ITGAD: variants seen among roughly 807,000 people sequenced by gnomAD.
ITGAD encodes the protein integrin subunit alpha D.
In ITGAD, 105 loss-of-function variants were observed where a neutral mutation model predicts 139.0. The observed-to-expected ratio is 0.76, with a 90% confidence interval of 0.65 to 0.89. The LOEUF (loss-of-function observed/expected upper bound fraction) is 0.89, where lower values mean the gene tolerates loss of function less well. ITGAD is among the 40% of genes least tolerant of loss of function. The probability of loss-of-function intolerance (pLI) is 0.00; values close to 1 mark genes in which losing one functional copy is unlikely to be tolerated. For synonymous variants in ITGAD, 569 were observed against 598.3 expected (o/e 0.95, Z 0.71); for missense variants, 1,384 against 1,487.3 (o/e 0.93, Z 1.14).
rs1394107114 is a variant in ITGAD, at chr16:31,411,355, C to T, written c.1545C>T (p.His515=). The T allele has an allele frequency of 6.2e-7, 1 of 1,613,796 alleles. No individual in the cohort carries two copies. Among genetic ancestry groups the T allele is most frequent in the African/African-American group, 1.3e-5 (1 of 74,856 alleles). ...CTGTTCTCCGTGGTGAGCAGGGCCA[C>T]CCCTGGGGCCGCTTTGGGGCAGCCC... ...CDAVLRGEQG[H]PWGRFGAALT... is the part of the protein sequence containing the mutation. Residue 515 remains histidine, a synonymous_variant, in exon 14 of 30, where the codon CAC becomes CAT. Transcript: ENST00000389202.
chr16:31,418,298 C>T lies in ITGAD; in HGVS notation c.2617-3C>T, dbSNP rs754360573. 1.2e-5 allele frequency: 19 copies of T among 1,613,866 alleles called. No homozygotes were observed. Among genetic ancestry groups the T allele is most frequent in the Non-Finnish European group, 1.5e-5 (18 of 1,179,742 alleles). On this transcript the variant is annotated splice_polypyrimidine_tract_variant and splice_region_variant and intron_variant, in intron 21 of 29. Transcript: ENST00000389202. Reference sequence around the variant, plus strand: ...CCCCATTCTTTCCTTCTTCTTCCCTCAGGGCACCTTCATAGTCACATTCGA... The same window carrying T: ...CCCCATTCTTTCCTTCTTCTTCCCTTAGGGCACCTTCATAGTCACATTCGA...
At chr16:31,401,481 T>G (rs928098145) in intron 5 of ITGAD, among the ~76,000 whole-genome samples, 1 of 151,890 alleles carries the variant, frequency 6.6e-6, no homozygotes, top group Non-Finnish European at 1.5e-5. Flanking sequence ...TCTGACCGAC[T>G]GGGGGTAGGG....
At chr16:31,414,094 C>T (rs1330391397) in intron 16 of ITGAD, among the ~76,000 whole-genome samples, 2 of 152,138 alleles carry the variant, frequency 1.3e-5, no homozygotes, top group Admixed American at 6.5e-5. Context: ...AATCACCTAT[C>T]TAATCTATCA....
chr16:31,410,731 C>G lies in ITGAD; in HGVS notation c.1214-5C>G. 1 of 1,609,558 alleles carries G rather than the reference C, an allele frequency of 6.2e-7. No individual in the cohort carries two copies. Among genetic ancestry groups the G allele is most frequent in the Non-Finnish European group, 8.5e-7 (1 of 1,178,448 alleles). On this transcript the variant is annotated splice_polypyrimidine_tract_variant and splice_region_variant and intron_variant, in intron 11 of 29. Coordinates refer to ENST00000389202, the MANE Select transcript of ITGAD (RefSeq NM_005353.3). ...GGCCTTTGTGCTGAGGCCTGGGCCC[C>G]TCAGGTTACTCCACCGAGCTAGCCC...
chr16:31,398,116 CTTTTT>C (rs2081317652), intron 5 of ITGAD, among the ~76,000 whole-genome samples: 1 of 151,914 alleles, frequency 6.6e-6, no homozygotes, highest in East Asian at 1.9e-4. Context: ...ATATTTTTTT[CTTTTT>C]AAGACAGGGT....
At chr16:31,422,105 A>ATTTT (rs537741434) in intron 23 of ITGAD, among the ~76,000 whole-genome samples, 1 of 137,500 alleles carries the variant, frequency 7.3e-6, no homozygotes, top group African/African-American at 2.7e-5. Context: ...TAATGTTTGT[A>ATTTT]TTTTTTTTTT....
intron 5 of ITGAD, among the ~76,000 whole-genome samples, chr16:31,400,183 G>T (rs970370581): frequency 2.6e-5 from 4 of 152,242 alleles, no homozygotes; most frequent in African/African-American, 9.6e-5. Context: ...AAAAAACGGG[G>T]AGCTCCTGGG....
chr16:31,417,255 T>TA lies in ITGAD; in HGVS notation c.2499+609_2499+610insA, dbSNP rs58066609. On this transcript the variant is annotated intron_variant, in intron 20 of 29. Transcript: ENST00000389202. ...TTATTTATTTATTTATTTATTTATTTTTTAGAGACAGGGTCTCACCATGCT... is the reference window on the plus strand; with the variant it reads ...TTATTTATTTATTTATTTATTTATTTATTTAGAGACAGGGTCTCACCATGCT... Among the ~76,000 whole-genome samples the TA allele has an allele frequency of 1.8e-3, 265 of 146,468 alleles. 1 individual carries two copies. The highest frequency in any genetic ancestry group is 3.3e-3 in the Non-Finnish European group (223 of 66,632).
intron 23 of ITGAD, 81 bp from the exon 24 acceptor site, chr16:31,423,033 C>A: frequency 9.1e-7 from 1 of 1,095,148 alleles, no homozygotes; most frequent in Non-Finnish European, 1.4e-6. Context: ...CTGCCCAGCC[C>A]AACAGAGCTC....
chr16:31,397,062 GTTTTTTTTTTTT>G (rs539015704), intron 2 of ITGAD, among the ~76,000 whole-genome samples: 8 of 100,810 alleles, frequency 7.9e-5, no homozygotes, highest in South Asian at 4.2e-4. Flanking sequence ...CTTTAAATAG[GTTTTTTTTTTTT>G]TTTTTTTTTT....
intron 7 of ITGAD, among the ~76,000 whole-genome samples, chr16:31,405,061 C>T (rs570063679): frequency 2.0e-4 from 31 of 152,224 alleles, no homozygotes; most frequent in Admixed American, 1.3e-3. Flanking sequence ...CCACCATGCC[C>T]GGCTGATTTT....
intron 19 of ITGAD, 76 bp downstream of exon 19, chr16:31,416,362 C>G: frequency 2.0e-6 from 3 of 1,498,288 alleles, no homozygotes; most frequent in Non-Finnish European, 2.8e-6. Flanking sequence ...TTGTGCTGCT[C>G]TCTGGCTCTT....
intron 20 of ITGAD, among the ~76,000 whole-genome samples, chr16:31,417,718 G>C (rs1567349339): frequency 6.6e-6 from 1 of 152,166 alleles, no homozygotes; most frequent in African/African-American, 2.4e-5. Flanking sequence ...GCCAAGGCGG[G>C]TGGATCACCT....
intron 2 of ITGAD, 62 bp from the exon 3 acceptor site, chr16:31,397,296 CA>C (rs2081288051): frequency 3.6e-6 from 4 of 1,115,062 alleles, no homozygotes; most frequent in East Asian, 5.2e-5. Flanking sequence ...TCCTCACCCC[CA>C]AGTGCCCGCT....
Position 31,410,455 on chromosome 16 carries a change from C to T in ITGAD, c.1144C>T (p.Pro382Ser), listed in dbSNP as rs2081659223. The T allele has an allele frequency of 2.5e-6, 4 of 1,613,810 alleles. No homozygotes were observed. In the South Asian group the frequency reaches 4.4e-5, roughly 18 times the overall value. Residue 382 changes from proline to serine, a missense_variant, in exon 11 of 30, where the codon CCC becomes TCC. By Grantham distance (74) the Pro-to-Ser change is moderately conservative. Transcript: ENST00000389202. ...CTGGTCTGGAGGTGCCTTCCTGTATCCCCCAAATATGAGCCCCACCTTCAT... is the reference window on the plus strand; with the variant it reads ...CTGGTCTGGAGGTGCCTTCCTGTATTCCCCAAATATGAGCCCCACCTTCAT... ...FSWSGGAFLY[P>S]PNMSPTFINM...
chr16:31,424,765 T>A (rs1392416473), intron 29 of ITGAD, 188 bp downstream of exon 29: 2 of 437,368 alleles, frequency 4.6e-6, no homozygotes, highest in Non-Finnish European at 8.1e-6. Flanking sequence ...GCCCGGCTAG[T>A]TTTTTGTATT....
intron 5 of ITGAD, among the ~76,000 whole-genome samples, chr16:31,398,521 G>A (rs891043969): frequency 2.6e-5 from 4 of 151,500 alleles, no homozygotes; most frequent in African/African-American, 7.3e-5. Context: ...TTGCTCTGTC[G>A]CCCAGGCTGG....
intron 4 of ITGAD, 51 bp downstream of exon 4, chr16:31,397,717 G>A (rs375108274): frequency 1.6e-5 from 23 of 1,438,998 alleles, no homozygotes; most frequent in Non-Finnish European, 2.1e-5. Flanking sequence ...GGGGGGTGTT[G>A]TTGGGGAGGA....
chr16:31,425,959 G>A (rs1291469755), intron 29 of ITGAD, 56 bp from the exon 30 acceptor site: 43 of 1,143,458 alleles, frequency 3.8e-5, no homozygotes, highest in South Asian at 5.0e-5. Context: ...GAGATTACAG[G>A]TGTGAGCCAC....
Sources: allele counts gnomAD v4.1 joint callset (sites outside exome capture counted in the v4.1 genomes callset), GRCh38; gene constraint gnomAD v4.1.1; transcripts MANE v1.5; gene names NCBI Gene and HGNC (gene_info 2026-07-23, HGNC 2026-07-21).